The following SPPL3 variants were observed in gnomAD, a reference collection of about 807,000 sequenced individuals.
SPPL3 encodes the protein signal peptide peptidase like 3.
In SPPL3, 5 loss-of-function variants were observed where a neutral mutation model predicts 42.4. That is an observed-to-expected ratio of 0.12 (90% CI 0.06 to 0.25). The LOEUF is 0.25. SPPL3 is among the 10% of genes least tolerant of loss of function. SPPL3 has a pLI of 1.00. For synonymous variants in SPPL3, 195 were observed against 181.8 expected, an observed-to-expected ratio of 1.07 and a Z score of -0.58; for missense variants, 235 against 489.0, an observed-to-expected ratio of 0.48 and a Z score of 4.90.
intron 2 of SPPL3, among the ~76,000 whole-genome samples, chr12:120,798,323 TAAAACG>T (rs1024499924): frequency 1.1e-4 from 16 of 152,298 alleles, no homozygotes; most frequent in African/African-American, 3.8e-4. Flanking sequence ...TAGCAGAGAT[TAAAACG>T]TACACTTACT....
At chr12:120,893,523 C>T (rs1030102613) in intron 1 of SPPL3, among the ~76,000 whole-genome samples, 2 of 152,060 alleles carry the variant, frequency 1.3e-5, no homozygotes, top group Non-Finnish European at 2.9e-5. Context: ...ACATCTCAAA[C>T]AAATGGCCAG....
intron 4 of SPPL3, 151 bp from the exon 5 acceptor site, chr12:120,783,903 T>A (rs924376531): frequency 1.7e-6 from 1 of 600,580 alleles, no homozygotes; most frequent in Non-Finnish European, 2.8e-6. Flanking sequence ...ACAAAAAATC[T>A]CTTCATTATT....
intron 1 of SPPL3, among the ~76,000 whole-genome samples, chr12:120,897,700 G>A (rs539444519): frequency 2.6e-5 from 4 of 152,112 alleles, no homozygotes; most frequent in Non-Finnish European, 5.9e-5. Flanking sequence ...TCCAGCCTGG[G>A]CTACACAGCG....
chr12:120,798,322 T>C (rs1237830639), intron 2 of SPPL3, among the ~76,000 whole-genome samples: 2 of 152,192 alleles, frequency 1.3e-5, no homozygotes, highest in Admixed American at 6.5e-5. Context: ...TTAGCAGAGA[T>C]TAAAACGTAC....
intron 4 of SPPL3, 122 bp downstream of exon 4, chr12:120,784,352 G>A (rs764594960): frequency 3.7e-6 from 4 of 1,094,814 alleles, no homozygotes; most frequent in Non-Finnish European, 5.1e-6. Context: ...AGAAGGCGAA[G>A]CCAAGATTTA....
chr12:120,863,335 G>A (rs923975463), intron 1 of SPPL3, among the ~76,000 whole-genome samples: 4 of 150,386 alleles, frequency 2.7e-5, no homozygotes, highest in Admixed American at 6.6e-5. Context: ...GTGACAGAGC[G>A]AGACTCCATC....
At chr12:120,853,320 C>T (rs1268755482) in intron 1 of SPPL3, among the ~76,000 whole-genome samples, 1 of 152,156 alleles carries the variant, frequency 6.6e-6, no homozygotes, top group Non-Finnish European at 1.5e-5. Context: ...TATTATATTA[C>T]ATCTACAAGC....
intron 1 of SPPL3, among the ~76,000 whole-genome samples, chr12:120,854,490 T>C (rs1872387403): frequency 6.6e-6 from 1 of 152,248 alleles, no homozygotes; most frequent in African/African-American, 2.4e-5. Context: ...CTATGTGCTG[T>C]GTGACCACCT....
At chr12:120,891,528 T>C (rs942331116) in intron 1 of SPPL3, among the ~76,000 whole-genome samples, 42 of 152,220 alleles carry the variant, frequency 2.8e-4, no homozygotes, top group African/African-American at 9.9e-4. Context: ...CAAAATAAGT[T>C]TCTATTAAAA....
intron 2 of SPPL3, among the ~76,000 whole-genome samples, chr12:120,803,009 A>T (rs1870370417): frequency 6.6e-6 from 1 of 152,224 alleles, no homozygotes; most frequent in African/African-American, 2.4e-5. Context: ...CTGTGAGATG[A>T]ATGAACTTAA....
chr12:120,797,765 G>A (rs1220264312), intron 2 of SPPL3, among the ~76,000 whole-genome samples: 1 of 152,156 alleles, frequency 6.6e-6, no homozygotes, highest in South Asian at 2.1e-4. Context: ...ATCCTTCCTG[G>A]AAGAAACTTA....
intron 1 of SPPL3, among the ~76,000 whole-genome samples, chr12:120,837,743 AT>A (rs993243578): frequency 6.6e-6 from 1 of 152,206 alleles, no homozygotes; most frequent in African/African-American, 2.4e-5. Context: ...TCCTTCCAAC[AT>A]TTATTCTCTC....
intron 1 of SPPL3, among the ~76,000 whole-genome samples, chr12:120,819,699 TG>T (rs1870990642): frequency 6.6e-6 from 1 of 152,194 alleles, no homozygotes; most frequent in East Asian, 1.9e-4. Flanking sequence ...AGAAGTGCTT[TG>T]TGGAAATTTT....
intron 1 of SPPL3, among the ~76,000 whole-genome samples, chr12:120,897,963 T>A (rs1566073258): frequency 6.6e-6 from 1 of 152,068 alleles, no homozygotes; most frequent in Non-Finnish European, 1.5e-5. Context: ...ATGACCATTA[T>A]CACAACAATA....
At chr12:120,828,787 T>C (rs975190504) in intron 1 of SPPL3, among the ~76,000 whole-genome samples, 6 of 152,192 alleles carry the variant, frequency 3.9e-5, no homozygotes, top group African/African-American at 1.4e-4. Context: ...GATGGAGTCT[T>C]GCTCTGTTGC....
At chr12:120,825,388 T>C (rs1402626508) in intron 1 of SPPL3, among the ~76,000 whole-genome samples, 3 of 152,140 alleles carry the variant, frequency 2.0e-5, no homozygotes, top group Non-Finnish European at 4.4e-5. Context: ...TTCTGTGAGT[T>C]AGGAAACACT....
At chr12:120,903,373 C>T (rs1039395206) in intron 1 of SPPL3, 17 of 36,136 alleles carry the variant, frequency 4.7e-4, no homozygotes, top group Admixed American at 2.0e-3. Context: ...GCTCCACTCT[C>T]CCAACTTAGA....
At chr12:120,793,191 G>C (rs1869978773) in intron 2 of SPPL3, among the ~76,000 whole-genome samples, 1 of 152,178 alleles carries the variant, frequency 6.6e-6, no homozygotes. Context: ...AACACCGTTA[G>C]TCATCAGGGA....
At chr12:120,824,972 A>G (rs1871193885) in intron 1 of SPPL3, among the ~76,000 whole-genome samples, 1 of 152,194 alleles carries the variant, frequency 6.6e-6, no homozygotes, top group Admixed American at 6.5e-5. Flanking sequence ...TGCAGATGGA[A>G]TGGAACAAAT....
Sources: gnomAD v4.1 joint callset for allele counts (sites outside exome capture counted in the v4.1 genomes callset) on GRCh38, gnomAD v4.1.1 for gene constraint, MANE v1.5 for transcripts, NCBI Gene and HGNC (gene_info 2026-07-23, HGNC 2026-07-21) for gene names.